The following HS6ST3 variants were observed in gnomAD, a reference collection of about 807,000 sequenced individuals.
HS6ST3 encodes the protein heparan sulfate 6-O-sulfotransferase 3.
In HS6ST3, 12 loss-of-function variants were observed where a neutral mutation model predicts 36.7. The observed-to-expected ratio is 0.33, with a 90% confidence interval of 0.21 to 0.53. The LOEUF (loss-of-function observed/expected upper bound fraction) is 0.53. Among genes scored for constraint, HS6ST3 ranks in the 20% least tolerant of loss-of-function variants. The probability of loss-of-function intolerance (pLI) is 0.95; values close to 1 mark genes in which losing one functional copy is unlikely to be tolerated. For missense variants in HS6ST3, 584 were observed against 640.9 expected (o/e 0.91, Z 0.96); for synonymous variants, 240 against 257.5 (o/e 0.93, Z 0.65).
At chr13:96,212,647 A>G (rs1456285533) in intron 1 of HS6ST3, among the ~76,000 whole-genome samples, 2 of 152,192 alleles carry the variant, frequency 1.3e-5, no homozygotes, top group Non-Finnish European at 2.9e-5. Flanking sequence ...TGAGGTTTGA[A>G]GATGGGTCTC....
intron 1 of HS6ST3, among the ~76,000 whole-genome samples, chr13:96,508,499 G>A (rs757028047): frequency 1.3e-5 from 2 of 152,008 alleles, no homozygotes; most frequent in Non-Finnish European, 2.9e-5. Context: ...CGTACCTAAT[G>A]TGTAGTTTTT....
chr13:96,793,304 G>T (rs1462191822), intron 1 of HS6ST3, among the ~76,000 whole-genome samples: 1 of 152,016 alleles, frequency 6.6e-6, no homozygotes, highest in Non-Finnish European at 1.5e-5. Context: ...ATAGAAGTGG[G>T]TGCTGTTTTT....
chr13:96,406,842 A>G (rs955421353), intron 1 of HS6ST3, among the ~76,000 whole-genome samples: 4 of 152,230 alleles, frequency 2.6e-5, no homozygotes, highest in African/African-American at 9.6e-5. Flanking sequence ...TATGTGTCAG[A>G]CAAAAATGTA....
At chr13:96,453,242 A>G (rs1430196901) in intron 1 of HS6ST3, among the ~76,000 whole-genome samples, 3 of 152,008 alleles carry the variant, frequency 2.0e-5, no homozygotes, top group Non-Finnish European at 4.4e-5. Flanking sequence ...CTACGTGGAT[A>G]TATTGTGCTG....
At chr13:96,560,058 G>C (rs974355503) in intron 1 of HS6ST3, among the ~76,000 whole-genome samples, 3 of 152,072 alleles carry the variant, frequency 2.0e-5, no homozygotes, top group African/African-American at 7.2e-5. Context: ...TTTCATCTCA[G>C]GCCCTCCACA....
chr13:96,476,728 G>T (rs1156538246), intron 1 of HS6ST3, among the ~76,000 whole-genome samples: 10 of 152,130 alleles, frequency 6.6e-5, no homozygotes, highest in Non-Finnish European at 1.5e-4. Context: ...ACTTGGATGA[G>T]ATCTATTTGG....
At chr13:96,663,986 T>G (rs1193306179) in intron 1 of HS6ST3, among the ~76,000 whole-genome samples, 1 of 152,110 alleles carries the variant, frequency 6.6e-6, no homozygotes, top group Non-Finnish European at 1.5e-5. Flanking sequence ...TGAAGCAAAA[T>G]TGAGTGCAAA....
chr13:96,281,612 A>T (rs566488038), intron 1 of HS6ST3, among the ~76,000 whole-genome samples: 1 of 152,330 alleles, frequency 6.6e-6, no homozygotes, highest in Non-Finnish European at 1.5e-5. Context: ...ACTTGCCTGC[A>T]TTCAGAAGTA....
At chr13:96,316,478 G>A (rs928969769) in intron 1 of HS6ST3, among the ~76,000 whole-genome samples, 1 of 152,106 alleles carries the variant, frequency 6.6e-6, no homozygotes, top group African/African-American at 2.4e-5. Flanking sequence ...TCATGGATTT[G>A]GAGGACCTGT....
intron 1 of HS6ST3, among the ~76,000 whole-genome samples, chr13:96,518,240 G>T (rs1172220157): frequency 6.6e-6 from 1 of 152,094 alleles, no homozygotes; most frequent in African/African-American, 2.4e-5. Context: ...ATGAGATCCA[G>T]AACATTCTGA....
At chr13:96,731,830 T>C (rs1247286189) in intron 1 of HS6ST3, among the ~76,000 whole-genome samples, 1 of 151,976 alleles carries the variant, frequency 6.6e-6, no homozygotes, top group Non-Finnish European at 1.5e-5. Flanking sequence ...TAAATGTTTT[T>C]ATTTTTTTAG....
chr13:96,126,193 T>G (rs948158343), intron 1 of HS6ST3, among the ~76,000 whole-genome samples: 1 of 152,190 alleles, frequency 6.6e-6, no homozygotes, highest in Admixed American at 6.5e-5. Context: ...CATCTGCTAG[T>G]CAGCCCCCTT....
chr13:96,181,683 A>G (rs1454223322), intron 1 of HS6ST3, among the ~76,000 whole-genome samples: 2 of 151,992 alleles, frequency 1.3e-5, no homozygotes, highest in East Asian at 1.9e-4. Flanking sequence ...CCATTTCAGA[A>G]CTCTGTGACT....
intron 1 of HS6ST3, among the ~76,000 whole-genome samples, chr13:96,117,372 A>T (rs2053898692): frequency 6.6e-6 from 1 of 152,240 alleles, no homozygotes; most frequent in South Asian, 2.1e-4. Flanking sequence ...ACAAAGGGAA[A>T]ATAACCTTTA....
At chr13:96,580,770 A>G (rs1444781868) in intron 1 of HS6ST3, among the ~76,000 whole-genome samples, 2 of 152,136 alleles carry the variant, frequency 1.3e-5, no homozygotes, top group Non-Finnish European at 2.9e-5. Flanking sequence ...TTTTTCTTAG[A>G]ATTCAGGCTT....
At chr13:96,203,221 G>C (rs1204567301) in intron 1 of HS6ST3, among the ~76,000 whole-genome samples, 1 of 152,170 alleles carries the variant, frequency 6.6e-6, no homozygotes, top group East Asian at 1.9e-4. Context: ...ATTTATTTCT[G>C]ACAGTTCTGG....
rs140098964 is a variant in HS6ST3, at chr13:96,624,230, T to C, written c.708-208260T>C. 8.4e-3 allele frequency among the ~76,000 whole-genome samples: 1,278 copies of C among 152,242 alleles called. 16 individuals carry two copies. Among genetic ancestry groups the C allele is most frequent in the African/African-American group, 0.028 (1,174 of 41,540 alleles). Reference sequence around the variant, plus strand: ...TATGCCATTACGGCTTAAGTAATAATACAATACCAATAGCTTAAAAGCCCT... The same window carrying C: ...TATGCCATTACGGCTTAAGTAATAACACAATACCAATAGCTTAAAAGCCCT... On this transcript the variant is annotated intron_variant, in intron 1 of 1. Transcript: ENST00000376705.
intron 1 of HS6ST3, among the ~76,000 whole-genome samples, chr13:96,157,302 T>C (rs2054115070): frequency 1.3e-5 from 2 of 152,194 alleles, no homozygotes; most frequent in South Asian, 4.1e-4. Flanking sequence ...ATAATGAAAT[T>C]ACAGAGATTT....
intron 1 of HS6ST3, among the ~76,000 whole-genome samples, chr13:96,161,687 CAG>C (rs1450970459): frequency 6.6e-6 from 1 of 152,112 alleles, no homozygotes; most frequent in Non-Finnish European, 1.5e-5. Context: ...ACACAAAACT[CAG>C]AGAAATATTT....
Sources: allele counts gnomAD v4.1 joint callset (sites outside exome capture counted in the v4.1 genomes callset), GRCh38; gene constraint gnomAD v4.1.1; transcripts MANE v1.5; gene names NCBI Gene and HGNC (gene_info 2026-07-23, HGNC 2026-07-21).